The following LRBA variants were observed in gnomAD, a reference collection of about 807,000 sequenced individuals.
LRBA encodes the protein lipopolysaccharide-responsive and beige-like anchor protein.
A neutral mutation model predicts 330.0 loss-of-function variants in LRBA; 176 were observed. That is an observed-to-expected ratio of 0.53 (90% CI 0.47 to 0.60). The LOEUF (loss-of-function observed/expected upper bound fraction) is 0.60, where lower values mean the gene tolerates loss of function less well. Among genes scored for constraint, LRBA ranks in the 20% least tolerant of loss-of-function variants. The pLI is 0.00. For missense variants in LRBA, 3,259 were observed against 3,444.8 expected (o/e 0.95, Z 1.35); for synonymous variants, 1,230 against 1,193.0 (o/e 1.03, Z -0.64).
At chr4:150,694,578 AG>A (rs1236705632) in intron 36 of LRBA, among the ~76,000 whole-genome samples, 1 of 152,078 alleles carries the variant, frequency 6.6e-6, no homozygotes, top group Non-Finnish European at 1.5e-5. Context: ...AATGTGTGAC[AG>A]CCACCTTTAA....
chr4:150,509,835 C>A (rs1761628373), intron 40 of LRBA, among the ~76,000 whole-genome samples: 1 of 152,068 alleles, frequency 6.6e-6, no homozygotes, highest in African/African-American at 2.4e-5. Context: ...ATGAACAGAT[C>A]TCTTGAAAGA....
chr4:150,866,597 A>C (rs1012649266), intron 22 of LRBA, among the ~76,000 whole-genome samples: 1 of 152,254 alleles, frequency 6.6e-6, no homozygotes, highest in Non-Finnish European at 1.5e-5. Context: ...ACTTTGGAAA[A>C]GAATTTGCAT....
intron 22 of LRBA, among the ~76,000 whole-genome samples, chr4:150,854,285 A>G (rs1303857857): frequency 4.6e-5 from 7 of 152,216 alleles, no homozygotes; most frequent in African/African-American, 1.4e-4. Context: ...TCTTTTTATA[A>G]TATTTCAACA....
chr4:150,990,836 C>T (rs572712380), intron 2 of LRBA, among the ~76,000 whole-genome samples: 6 of 152,146 alleles, frequency 3.9e-5, no homozygotes, highest in East Asian at 1.9e-4. Flanking sequence ...CTGGCCAACA[C>T]GGCAAAACTC....
rs1561251197 is a variant in LRBA, at chr4:150,489,407, TAAG to T, written c.6448+1508_6448+1510del. Reference sequence around the variant, plus strand: ...ATAAGAATATAAAATATATTATATATAAGAATATAAAATATATTACATATAAGA... The same window carrying T: ...ATAAGAATATAAAATATATTATATATAATATAAAATATATTACATATAAGA... On this transcript the variant is annotated intron_variant, in intron 41 of 56. Coordinates refer to ENST00000651943, the MANE Select transcript of LRBA (RefSeq NM_001364905.1). Among the ~76,000 whole-genome samples the T allele has an allele frequency of 1.7e-4, 9 of 51,994 alleles. 1 individual carries two copies. The highest frequency in any genetic ancestry group is 3.5e-4 in the Non-Finnish European group (9 of 26,072). 34.1% of individuals were successfully genotyped at this position (51,994 alleles called of 152,430 possible). A position where few individuals can be genotyped will look rare whatever the true frequency, so the allele number is the denominator to read the frequency against.
chr4:150,319,177 A>AG (rs1732136355), intron 50 of LRBA, among the ~76,000 whole-genome samples: 1 of 152,186 alleles, frequency 6.6e-6, no homozygotes, highest in African/African-American at 2.4e-5. Flanking sequence ...TGGTTGAGCC[A>AG]GCTCAGTTCC....
At chr4:150,648,098 T>G (rs566996911) in intron 37 of LRBA, among the ~76,000 whole-genome samples, 16 of 134,544 alleles carry the variant, frequency 1.2e-4, no homozygotes, top group African/African-American at 4.1e-4. Flanking sequence ...CATCAACATT[T>G]ATGAGCTAGG....
At chr4:150,676,680 A>G (rs1782588744) in intron 37 of LRBA, among the ~76,000 whole-genome samples, 1 of 152,148 alleles carries the variant, frequency 6.6e-6, no homozygotes, top group Non-Finnish European at 1.5e-5. Context: ...CTAGACCCAT[A>G]TAAAACCATA....
intron 36 of LRBA, among the ~76,000 whole-genome samples, chr4:150,710,134 T>C (rs1271191956): frequency 1.3e-5 from 2 of 152,126 alleles, no homozygotes; most frequent in Non-Finnish European, 2.9e-5. Flanking sequence ...TTTTGAACTA[T>C]AGATGTGATG....
At chr4:150,974,412 A>G (rs1739922379) in intron 2 of LRBA, among the ~76,000 whole-genome samples, 1 of 152,200 alleles carries the variant, frequency 6.6e-6, no homozygotes, top group Non-Finnish European at 1.5e-5. Flanking sequence ...CCATCAAGAG[A>G]AGAACAACTA....
chr4:150,795,391 T>A (rs1740641009), intron 34 of LRBA, among the ~76,000 whole-genome samples: 1 of 152,088 alleles, frequency 6.6e-6, no homozygotes, highest in Non-Finnish European at 1.5e-5. Context: ...GTTCAATTTT[T>A]GTGTATTTGC....
chr4:150,867,607 T>C, intron 22 of LRBA, 64 bp downstream of exon 22: 1 of 1,325,804 alleles, frequency 7.5e-7, no homozygotes, highest in Non-Finnish European at 1.0e-6. Context: ...ATTTTTTAAA[T>C]GACTAAAATT....
intron 52 of LRBA, among the ~76,000 whole-genome samples, chr4:150,306,700 GTTTA>G (rs1730403653): frequency 6.6e-6 from 1 of 152,014 alleles, no homozygotes; most frequent in South Asian, 2.1e-4. Context: ...ATGACATCAG[GTTTA>G]TTAAGTCTAA....
Position 151,014,827 on chromosome 4 carries a change from A to G in LRBA, c.-185T>C, listed in dbSNP as rs1745248857. 3 of 566,756 alleles carry G rather than the reference A, an allele frequency of 5.3e-6. No individual in the cohort carries two copies. The South Asian group carries it at 7.7e-5, about 14-fold the overall frequency. 35.1% of individuals were successfully genotyped at this position (566,756 alleles called of 1,614,324 possible). ...CCTCCTCTTGGAGAATATTTGTCCA[A>G]TCTCTCTCCCCGAGGCTGACAACAA... On this transcript the variant is annotated 5_prime_UTR_variant, in exon 2 of 57. Transcript: ENST00000651943.
At chr4:150,374,123 C>T (rs559872338) in intron 47 of LRBA, among the ~76,000 whole-genome samples, 71 of 152,208 alleles carry the variant, frequency 4.7e-4, no homozygotes, top group Non-Finnish European at 8.4e-4. Context: ...ACCACAAACA[C>T]TCCATGAAAA....
At chr4:150,528,734 T>C (rs1350540313) in intron 40 of LRBA, among the ~76,000 whole-genome samples, 2 of 152,054 alleles carry the variant, frequency 1.3e-5, no homozygotes, top group East Asian at 3.9e-4. Context: ...ATATCTTACT[T>C]TGTTAAAAAG....
At chr4:150,905,804 A>G (rs772309160) in intron 13 of LRBA, 34 bp downstream of exon 13, 2 of 1,533,946 alleles carry the variant, frequency 1.3e-6, no homozygotes, top group East Asian at 2.3e-5. Context: ...CAGCAAAGAT[A>G]GTAAAACAAT....
chr4:150,367,142 A>T (rs1157444032), intron 47 of LRBA, among the ~76,000 whole-genome samples: 7 of 152,202 alleles, frequency 4.6e-5, no homozygotes, highest in East Asian at 3.8e-4. Context: ...GCTAATTAAA[A>T]TTTTTTAAAT....
intron 28 of LRBA, among the ~76,000 whole-genome samples, chr4:150,833,419 T>C (rs1313665306): frequency 6.6e-6 from 1 of 152,036 alleles, no homozygotes; most frequent in Non-Finnish European, 1.5e-5. Flanking sequence ...CTGTTCCCTA[T>C]CAGATAAATC....
Sources: gnomAD v4.1 joint callset for allele counts (sites outside exome capture counted in the v4.1 genomes callset) on GRCh38, gnomAD v4.1.1 for gene constraint, MANE v1.5 for transcripts, NCBI Gene and HGNC (gene_info 2026-07-23, HGNC 2026-07-21) for gene names.